The following PDE3A variants were observed in gnomAD, a reference collection of about 807,000 sequenced individuals.
PDE3A encodes the protein phosphodiesterase 3A, also known as cGMP-inhibited 3',5'-cyclic phosphodiesterase 3A.
PDE3A carries 43 observed loss-of-function variants against 98.3 expected under a neutral mutation model. The ratio of observed to expected loss-of-function variants is 0.44; its 90% CI spans 0.34 to 0.56. The LOEUF (loss-of-function observed/expected upper bound fraction) is 0.56. Among genes scored for constraint, PDE3A ranks in the 20% least tolerant of loss-of-function variants. The pLI is 0.01. For missense variants in PDE3A, 1,427 were observed against 1,440.7 expected (o/e 0.99, Z 0.15); for synonymous variants, 663 against 567.9 (o/e 1.17, Z -2.38).
intron 1 of PDE3A, among the ~76,000 whole-genome samples, chr12:20,524,000 T>A (rs2121161189): frequency 6.6e-6 from 1 of 152,286 alleles, no homozygotes; most frequent in Non-Finnish European, 1.5e-5. Flanking sequence ...AAGGGAGGAA[T>A]GGTTAAATGA....
At chr12:20,542,766 A>C (rs1047456673) in intron 1 of PDE3A, among the ~76,000 whole-genome samples, 1 of 152,016 alleles carries the variant, frequency 6.6e-6, no homozygotes, top group Non-Finnish European at 1.5e-5. Flanking sequence ...CTAAGAAAGG[A>C]GATCAATTTT....
At chr12:20,511,555 C>A (rs1946224079) in intron 1 of PDE3A, among the ~76,000 whole-genome samples, 1 of 151,582 alleles carries the variant, frequency 6.6e-6, no homozygotes, top group Non-Finnish European at 1.5e-5. Flanking sequence ...AGATTATAAC[C>A]CAAAGTATAA....
chr12:20,443,183 T>G (rs995639152), intron 1 of PDE3A, among the ~76,000 whole-genome samples: 2 of 152,142 alleles, frequency 1.3e-5, no homozygotes, highest in African/African-American at 2.4e-5. Flanking sequence ...TAACTGCTGG[T>G]TTTTATTTCT....
intron 10 of PDE3A, among the ~76,000 whole-genome samples, chr12:20,643,625 T>G (rs1592141128): frequency 4.4e-3 from 1 of 226 alleles, no homozygotes; most frequent in African/African-American, 4.8e-3. Context: ...TGGTTAGTGA[T>G]TTTTTTTTTA....
intron 4 of PDE3A, among the ~76,000 whole-genome samples, chr12:20,617,765 T>A (rs531155707): frequency 6.6e-6 from 1 of 152,222 alleles, no homozygotes; most frequent in Non-Finnish European, 1.5e-5. Flanking sequence ...ACTCATGCCT[T>A]CTCAAATGCC....
chr12:20,653,862 T>C (rs947890485), intron 14 of PDE3A, 85 bp from the exon 15 acceptor site: 11 of 1,395,742 alleles, frequency 7.9e-6, no homozygotes, highest in Non-Finnish European at 1.1e-5. Context: ...AGTAAAGAAG[T>C]TTGTGCATTA....
At position 20,471,940 on chromosome 12, in the gene PDE3A, C is replaced by G. The variant is rs143291871; in HGVS notation, c.961-84720C>G. The stretch of plus-strand genomic sequence containing the variant: ...TATTTTTTAACCAGCGTGGCATTGA[C>G]GCGATTGGTCAGAAAGAACATTGAT... On this transcript the variant is annotated intron_variant, in intron 1 of 15. Transcript: ENST00000359062. Among the ~76,000 whole-genome samples, 234 of 152,150 alleles carry G rather than the reference C, an allele frequency of 1.5e-3. 1 individual carries two copies. The highest frequency in any genetic ancestry group is 5.3e-3 in the African/African-American group (220 of 41,520).
rs76692490 is a variant in PDE3A, at chr12:20,678,669, G to T, written c.3185-1361G>T. Among the ~76,000 whole-genome samples, 336 of 152,296 alleles carry T rather than the reference G, an allele frequency of 2.2e-3. 2 individuals are homozygous for T. Among genetic ancestry groups the T allele is most frequent in the African/African-American group, 7.6e-3 (315 of 41,578 alleles). On this transcript the variant is annotated intron_variant, in intron 15 of 15. Transcript: ENST00000359062. The stretch of plus-strand genomic sequence containing the variant: ...CTTCATGAAGCTGGAACTGTAGCCA[G>T]CTCTAAGTTCACTTCATGCCAGATG...
At chr12:20,641,846 C>T (rs1266844709) in intron 10 of PDE3A, among the ~76,000 whole-genome samples, 2 of 152,068 alleles carry the variant, frequency 1.3e-5, no homozygotes, top group Non-Finnish European at 2.9e-5. Context: ...AATAAACCTG[C>T]TTGTTCTATT....
intron 2 of PDE3A, among the ~76,000 whole-genome samples, chr12:20,593,919 G>A (rs183087744): frequency 6.6e-6 from 1 of 152,186 alleles, no homozygotes; most frequent in Admixed American, 6.5e-5. Flanking sequence ...AAGGAAAGCA[G>A]ACAGTGAGTT....
chr12:20,427,718 AT>A (rs1176126719), intron 1 of PDE3A, among the ~76,000 whole-genome samples: 18 of 152,192 alleles, frequency 1.2e-4, no homozygotes, highest in South Asian at 6.2e-4. Context: ...TAATGTATGT[AT>A]TTTTTCATGA....
At chr12:20,603,252 C>T (rs1943635016) in intron 2 of PDE3A, among the ~76,000 whole-genome samples, 1 of 152,076 alleles carries the variant, frequency 6.6e-6, no homozygotes. Flanking sequence ...GAATATTCCT[C>T]CCATGCTGTG....
At chr12:20,476,499 ATAAG>A in intron 1 of PDE3A, among the ~76,000 whole-genome samples, 1 of 152,384 alleles carries the variant, frequency 6.6e-6, no homozygotes, top group South Asian at 2.1e-4. Context: ...ACTGAGTAAA[ATAAG>A]TAATTCAATA....
chr12:20,668,086 C>T (rs978276144), intron 15 of PDE3A, among the ~76,000 whole-genome samples: 3 of 152,140 alleles, frequency 2.0e-5, no homozygotes, highest in Non-Finnish European at 4.4e-5. Flanking sequence ...AAAGGGGTGA[C>T]AGATGGCACC....
chr12:20,446,879 C>T (rs973469045), intron 1 of PDE3A, among the ~76,000 whole-genome samples: 7 of 152,096 alleles, frequency 4.6e-5, no homozygotes, highest in African/African-American at 1.7e-4. Flanking sequence ...ATGAGAACCA[C>T]CTGGATGGCT....
At chr12:20,578,385 C>A (rs1942986268) in intron 2 of PDE3A, among the ~76,000 whole-genome samples, 1 of 152,010 alleles carries the variant, frequency 6.6e-6, no homozygotes, top group South Asian at 2.1e-4. Context: ...CCGCCTAAGA[C>A]ATTATTAATC....
chr12:20,379,167 T>G (rs905562947), intron 1 of PDE3A, among the ~76,000 whole-genome samples: 1 of 151,858 alleles, frequency 6.6e-6, no homozygotes, highest in Admixed American at 6.6e-5. Context: ...TATTATTCAG[T>G]GGGTAATGTT....
intron 1 of PDE3A, chr12:20,551,857 T>C (rs1023362033): frequency 6.2e-7 from 1 of 1,613,778 alleles, no homozygotes; most frequent in East Asian, 2.2e-5. Flanking sequence ...CACCAAGGAA[T>C]GTACCATCAT....
chr12:20,502,717 T>C (rs1179432993), intron 1 of PDE3A, among the ~76,000 whole-genome samples: 1 of 152,152 alleles, frequency 6.6e-6, no homozygotes, highest in Admixed American at 6.6e-5. Context: ...AAACTAAGAC[T>C]ATGTATAAAG....
Sources: allele counts gnomAD v4.1 joint callset (sites outside exome capture counted in the v4.1 genomes callset), GRCh38; gene constraint gnomAD v4.1.1; transcripts MANE v1.5; gene names NCBI Gene and HGNC (gene_info 2026-07-23, HGNC 2026-07-21).